ABCA3: variants seen among roughly 807,000 people sequenced by gnomAD.
ABCA3 encodes phospholipid-transporting ATPase ABCA3.
Under a neutral mutation model 172.8 loss-of-function variants are expected in ABCA3, and 88 were observed. That is an observed-to-expected ratio of 0.51 (90% CI 0.43 to 0.61). The LOEUF is 0.61. Among genes scored for constraint, ABCA3 ranks in the 20% least tolerant of loss-of-function variants. The probability of loss-of-function intolerance (pLI) is 0.00; values close to 1 mark genes in which losing one functional copy is unlikely to be tolerated. For synonymous variants in ABCA3, 1,066 were observed against 983.8 expected, an observed-to-expected ratio of 1.08 and a Z score of -1.56; for missense variants, 2,164 against 2,301.0, an observed-to-expected ratio of 0.94 and a Z score of 1.22.
Position 2,323,577 on chromosome 16 carries a change from G to A in ABCA3, c.559C>T (p.Leu187Phe). The A allele has an allele frequency of 6.2e-7, 1 of 1,614,192 alleles. No individual in the cohort carries two copies. Among genetic ancestry groups the A allele is most frequent in the Non-Finnish European group, 8.5e-7 (1 of 1,180,026 alleles). ...TCCCTTGGTCCTGGGTTTGGGAAAA[G>A]CGGGAAAAGGGAAGTAGTGTGCCAG... ...EGWHTTSLFP[L>F]FPNPGPREPT... Residue 187 changes from leucine (L) to phenylalanine (F), a missense_variant, in exon 7 of 33, where the codon CTT becomes TTT. Leu to Phe is a conservative substitution (Grantham distance 22). Around this residue, in one of 3 missense-constraint regions of ABCA3, gnomAD observed 1,343 missense variants for 1,369.6 expected, o/e 0.98. Transcript: ENST00000301732.
intron 11 of ABCA3, among the ~76,000 whole-genome samples, chr16:2,304,500 CTTTTTTTTT>C (rs34874417): frequency 1.2e-5 from 1 of 84,006 alleles, no homozygotes; most frequent in Admixed American, 1.5e-4. Context: ...TAGCATAAGT[CTTTTTTTTT>C]TTTTTTTTTT....
At chr16:2,290,755 GGTCCCCTGCACAGGT>G (rs2093670806) in intron 19 of ABCA3, among the ~76,000 whole-genome samples, 1 of 152,174 alleles carries the variant, frequency 6.6e-6, no homozygotes, top group Non-Finnish European at 1.5e-5. Context: ...CTGGACACAT[GGTCCCCTGCACAGGT>G]GTCCCCAGAG....
Position 2,278,573 on chromosome 16 carries a change from G to T in ABCA3, c.4548-115C>A. 1 of 1,352,772 alleles carries T rather than the reference G, an allele frequency of 7.4e-7. No homozygotes were observed. Among genetic ancestry groups the T allele is most frequent in the Non-Finnish European group, 1.0e-6 (1 of 975,220 alleles). 83.8% of individuals were successfully genotyped at this position (1,352,772 alleles called of 1,614,324 possible). ...GCCCACACCCAGCAATTGCAGAACA[G>T]CCCTAGTGAAGAGGAAGGAGCTGTG... On this transcript the variant is annotated intron_variant, in intron 29 of 32. Transcript: ENST00000301732. The surrounding 1 kb of genome is among the most constrained non-coding windows in gnomAD (Gnocchi z 4.4).
At chr16:2,317,155 C>A in intron 10 of ABCA3, 128 bp downstream of exon 10, 1 of 1,405,350 alleles carries the variant, frequency 7.1e-7, no homozygotes, top group South Asian at 1.2e-5. Flanking sequence ...CAACCTTCCC[C>A]TGGTCAGCTC....
In ABCA3 at chr16:2,283,494, C is replaced by G; in HGVS notation, c.3863-136G>C. 1 of 1,006,666 alleles carries G rather than the reference C, an allele frequency of 9.9e-7. No individual in the cohort carries two copies. The highest frequency in any genetic ancestry group is 1.4e-6 in the Non-Finnish European group (1 of 695,258). The allele number at this position is 1,006,666 out of a possible 1,614,324, so 62.4% of individuals were successfully genotyped here. A position where few individuals can be genotyped will look rare whatever the true frequency, so the allele number is the denominator to read the frequency against. The stretch of plus-strand genomic sequence containing the variant: ...TCCCCTCCATGGGGAGATGTGAAGG[C>G]CAGTAGGTCACAGCTGCCTCTCGAG... On this transcript the variant is annotated intron_variant, in intron 25 of 32. Transcript: ENST00000301732. The surrounding 1 kb of genome is among the most constrained non-coding windows in gnomAD (Gnocchi z 5.4).
intron 19 of ABCA3, among the ~76,000 whole-genome samples, chr16:2,290,878 TTTTTC>T (rs1326093431): frequency 2.0e-5 from 3 of 152,164 alleles, no homozygotes; most frequent in African/African-American, 7.2e-5. Context: ...CGTTTTTTTC[TTTTTC>T]TTTTGACACA....
chr16:2,288,164 G>T lies in ABCA3; in HGVS notation c.2866C>A (p.Leu956Met). 6.2e-7 allele frequency: 1 copy of T among 1,609,958 alleles called. No homozygotes were observed. The highest frequency in any genetic ancestry group is 1.1e-5 in the South Asian group (1 of 90,284). Residue 956 changes from leucine (L) to methionine (M), a missense_variant, in exon 21 of 33, where the codon CTG (leucine) becomes ATG (methionine). Physicochemically the swap from Leu to Met is conservative, Grantham distance 15 (BLOSUM62 2). Transcript: ENST00000301732. Reference sequence around the variant, plus strand: ...CCGTACTCGCCCAAGGTCAGCCTCAGCATGGGGTCGTCGAAGAGCTCCGAG... The same window carrying T: ...CCGTACTCGCCCAAGGTCAGCCTCATCATGGGGTCGTCGAAGAGCTCCGAG... The part of the protein sequence containing the change: ...YSSELFDDPM[L>M]RLTLGEYGRT...
intron 10 of ABCA3, among the ~76,000 whole-genome samples, chr16:2,310,249 C>A (rs936316589): frequency 6.6e-6 from 1 of 151,592 alleles, no homozygotes; most frequent in Admixed American, 6.6e-5. Context: ...ACTAAAAATA[C>A]AAAAATTAGC....
At chr16:2,319,064 T>A (rs2093721337) in intron 8 of ABCA3, among the ~76,000 whole-genome samples, 1 of 151,916 alleles carries the variant, frequency 6.6e-6, no homozygotes, top group Non-Finnish European at 1.5e-5. Context: ...CTGGGCAGCC[T>A]CAAAATGAGC....
At chr16:2,327,720 CT>C (rs1350798736) in intron 3 of ABCA3, among the ~76,000 whole-genome samples, 2 of 152,054 alleles carry the variant, frequency 1.3e-5, no homozygotes, top group African/African-American at 4.8e-5. Context: ...TTTTCTTTTT[CT>C]TTTTTCTGTT....
rs1472921204 is a variant in ABCA3, at chr16:2,287,166, C to T, written c.3005-199G>A. 6.6e-6 allele frequency among the ~76,000 whole-genome samples: 1 copy of T among 152,206 alleles called. No homozygotes were observed. Among genetic ancestry groups the T allele is most frequent in the Non-Finnish European group, 1.5e-5 (1 of 68,032 alleles). On this transcript the variant is annotated intron_variant, in intron 21 of 32. Coordinates refer to ENST00000301732, the MANE Select transcript of ABCA3 (RefSeq NM_001089.3). The surrounding 1 kb of genome is among the most constrained non-coding windows in gnomAD (Gnocchi z 4.1). ...CATTCAGTATGTGGAACTTTGAATG[C>T]CAGTCAGGAACCGGGAAAGGAGCTG...
rs148226116 is a variant in ABCA3 at position 2,284,679 on chromosome 16, T to C, written c.3703+100A>G. The C allele has an allele frequency of 2.4e-5, 32 of 1,348,594 alleles. No individual in the cohort carries two copies. The Admixed American group carries it at 3.2e-4, about 13-fold the overall frequency. 83.5% of individuals were successfully genotyped at this position (1,348,594 alleles called of 1,614,324 possible). A position where few individuals can be genotyped will look rare whatever the true frequency, so the allele number is the denominator to read the frequency against. ...GGCTGGTGAGCATGAACTGGGCCCATTGCCTGAGTCCCGCCTCGGCTGTGG... is the reference window on the plus strand; with the variant it reads ...GGCTGGTGAGCATGAACTGGGCCCACTGCCTGAGTCCCGCCTCGGCTGTGG... On this transcript the variant is annotated intron_variant, in intron 24 of 32. Transcript: ENST00000301732. This position sits in a 1 kb window ranked among gnomAD's most constrained non-coding sequence, Gnocchi z 5.9.
rs2093663340 is a variant in ABCA3, at chr16:2,286,478, G to A, written c.3278+216C>T. ...CTGCCGAGCCTTCATGGGTCCCCGT[G>A]AGGACCGCAGTGCATGGGATGGCCC... On this transcript the variant is annotated intron_variant, in intron 22 of 32. Transcript: ENST00000301732. This position sits in a 1 kb window ranked among gnomAD's most constrained non-coding sequence, Gnocchi z 5.2. 6.6e-6 allele frequency among the ~76,000 whole-genome samples: 1 copy of A among 152,230 alleles called. No individual in the cohort carries two copies. Among genetic ancestry groups the A allele is most frequent in the Non-Finnish European group, 1.5e-5 (1 of 68,044 alleles).
At chr16:2,340,395 G>GGCGGGC (rs1198356167) in intron 1 of ABCA3, among the ~76,000 whole-genome samples, 178 bp downstream of exon 1, 3 of 151,544 alleles carry the variant, frequency 2.0e-5, no homozygotes, top group East Asian at 1.9e-4. Context: ...CGGCAGGAGG[G>GGCGGGC]GCGGGCGCGG....
chr16:2,335,227 C>T (rs964758558), intron 1 of ABCA3, among the ~76,000 whole-genome samples: 3 of 152,082 alleles, frequency 2.0e-5, no homozygotes, highest in African/African-American at 4.8e-5. Flanking sequence ...AGACAACCTG[C>T]AGCAGTGAAA....
At chr16:2,280,363 CTGTT>C (rs1403031824) in intron 28 of ABCA3, among the ~76,000 whole-genome samples, 1 of 152,254 alleles carries the variant, frequency 6.6e-6, no homozygotes, top group Non-Finnish European at 1.5e-5. Flanking sequence ...ACCATCTCCT[CTGTT>C]TGTTTGCTGT....
At chr16:2,307,952 G>C (rs773294112) in intron 11 of ABCA3, among the ~76,000 whole-genome samples, 2 of 152,242 alleles carry the variant, frequency 1.3e-5, no homozygotes, top group African/African-American at 2.4e-5. Flanking sequence ...GAAGAGGCCA[G>C]ATGTGGTGGC....
In ABCA3 at chr16:2,287,996, C is replaced by T. The variant is rs1166148728; in HGVS notation, c.3004+30G>A. On this transcript the variant is annotated intron_variant, in intron 21 of 32. Coordinates refer to ENST00000301732, the MANE Select transcript of ABCA3 (RefSeq NM_001089.3). This position sits in a 1 kb window ranked among gnomAD's most constrained non-coding sequence, Gnocchi z 4.1. ...CTGGCTGCAGGACTGGCCCCCGATGCCCCCGTCCCGCCCCCGGGATGCCCC... is the reference window on the plus strand; with the variant it reads ...CTGGCTGCAGGACTGGCCCCCGATGTCCCCGTCCCGCCCCCGGGATGCCCC... The T allele has an allele frequency of 1.3e-6, 2 of 1,597,344 alleles. No homozygotes were observed. Among genetic ancestry groups the T allele is most frequent in the Non-Finnish European group, 1.7e-6 (2 of 1,178,910 alleles).
intron 10 of ABCA3, among the ~76,000 whole-genome samples, chr16:2,311,629 T>A (rs1201411125): frequency 6.6e-6 from 1 of 151,996 alleles, no homozygotes. Context: ...TTCAAGCAAT[T>A]CCCTGCCTCA....
Sources: allele counts gnomAD v4.1 joint callset (sites outside exome capture counted in the v4.1 genomes callset), GRCh38; gene constraint gnomAD v4.1.1; regional missense constraint gnomAD v4.1.1; non-coding constraint Gnocchi (gnomAD v3.1); transcripts MANE v1.5; gene names NCBI Gene and HGNC (gene_info 2026-07-23, HGNC 2026-07-21).